SWT1: variants seen among roughly 807,000 people sequenced by gnomAD.
SWT1 encodes the protein SWT1 RNA endoribonuclease homolog.
Under a neutral mutation model 107.3 loss-of-function variants are expected in SWT1, and 33 were observed. That is an observed-to-expected ratio of 0.31 (90% CI 0.23 to 0.41). The LOEUF (loss-of-function observed/expected upper bound fraction) is 0.41, where lower values mean the gene tolerates loss of function less well. Among genes scored for constraint, SWT1 ranks in the 10% least tolerant of loss-of-function variants. The pLI is 1.00. For missense variants in SWT1, 898 were observed against 1,028.9 expected (o/e 0.87, Z 1.74); for synonymous variants, 345 against 348.3 (o/e 0.99, Z 0.11).
rs937029440 is a variant in SWT1, at chr1:185,174,585, T to G, written c.438T>G (p.His146Gln). The change falls in exon 5 of 19, where the codon CAT becomes CAG. Residue 146 changes from histidine (H) to glutamine (Q), a missense_variant. Around this residue, in one of 6 missense-constraint regions of SWT1, gnomAD observed 382 missense variants for 362.4 expected, o/e 1.05. Coordinates refer to ENST00000367500, the MANE Select transcript of SWT1 (RefSeq NM_017673.7). ...CAAATGCTGGGAGCAAGCTTGACCA[T>G]GGAATTAAAAGCCTTAGTAGTCCTA... The part of the protein sequence containing the change: ...KLTNAGSKLD[H>Q]GIKSLSSPKI... 4 of 1,608,134 alleles carry G rather than the reference T, an allele frequency of 2.5e-6. No homozygotes were observed. The highest frequency in any genetic ancestry group is 3.4e-6 in the Non-Finnish European group (4 of 1,178,566).
chr1:185,194,900 T>C (rs1657255022), intron 10 of SWT1, among the ~76,000 whole-genome samples: 1 of 152,178 alleles, frequency 6.6e-6, no homozygotes, highest in African/African-American at 2.4e-5. Context: ...ACTTTGACTC[T>C]TGGCAGTATG....
intron 16 of SWT1, among the ~76,000 whole-genome samples, chr1:185,253,591 G>C (rs1336096683): frequency 6.6e-6 from 1 of 150,726 alleles, no homozygotes; most frequent in South Asian, 2.1e-4. Context: ...GTTTGTTGTT[G>C]GTGTATAAGA....
intron 16 of SWT1, among the ~76,000 whole-genome samples, chr1:185,257,712 C>T: frequency 6.6e-6 from 1 of 152,254 alleles, no homozygotes; most frequent in East Asian, 1.9e-4. Flanking sequence ...CCTGGTATCT[C>T]AGATGGAAAT....
chr1:185,250,340 A>G (rs1558074327), intron 16 of SWT1, among the ~76,000 whole-genome samples: 1 of 152,200 alleles, frequency 6.6e-6, no homozygotes, highest in Non-Finnish European at 1.5e-5. Flanking sequence ...TCTAAGAGGC[A>G]CTTTAGCTCT....
chr1:185,237,188 A>G lies in SWT1; in HGVS notation c.2441+5480A>G, dbSNP rs79403093. On this transcript the variant is annotated intron_variant, in intron 16 of 18. Transcript: ENST00000367500. ...TCTAGAAATACCATTTGACCCAGCA[A>G]TCCCGTTCCTGGGTATATATCCAAA... Among the ~76,000 whole-genome samples the G allele has an allele frequency of 5.6e-3, 859 of 152,326 alleles. 35 individuals are homozygous for G. The East Asian group carries it at 0.095, about 17-fold the overall frequency.
chr1:185,211,953 A>C (rs1658847720), intron 13 of SWT1, among the ~76,000 whole-genome samples: 1 of 152,168 alleles, frequency 6.6e-6, no homozygotes, highest in Admixed American at 6.5e-5. Context: ...AACTATCGCA[A>C]GGACAAAAAA....
At chr1:185,166,749 A>C in intron 3 of SWT1, 97 bp downstream of exon 3, 1 of 738,710 alleles carries the variant, frequency 1.4e-6, no homozygotes, top group South Asian at 2.0e-5. Flanking sequence ...TTTGATAGCC[A>C]ATAGAAAGTC....
chr1:185,250,444 T>C (rs1661926624), intron 16 of SWT1, among the ~76,000 whole-genome samples: 1 of 152,220 alleles, frequency 6.6e-6, no homozygotes, highest in African/African-American at 2.4e-5. Flanking sequence ...AAATATTGAA[T>C]AGTTCTTACA....
At chr1:185,244,564 A>C (rs935562204) in intron 16 of SWT1, among the ~76,000 whole-genome samples, 1 of 152,024 alleles carries the variant, frequency 6.6e-6, no homozygotes, top group Admixed American at 6.6e-5. Context: ...TGGGTGAGTC[A>C]GTGGGTGGGT....
intron 11 of SWT1, 55 bp from the exon 12 acceptor site, chr1:185,204,645 G>A: frequency 1.1e-6 from 1 of 918,226 alleles, no homozygotes. Flanking sequence ...CTAATTATAT[G>A]TATAATAATT....
In SWT1 at chr1:185,233,048, T is replaced by C. The variant is rs187458768; in HGVS notation, c.2441+1340T>C. Among the ~76,000 whole-genome samples, 5 of 152,184 alleles carry C rather than the reference T, an allele frequency of 3.3e-5. No homozygotes were observed. The East Asian group carries it at 9.7e-4, about 30-fold the overall frequency. On this transcript the variant is annotated intron_variant, in intron 16 of 18. Transcript: ENST00000367500. ...GACCAGCATCATCACCACATCTAACTTGTTAAAAGTGCAGATTTTCAGGCC... is the reference window on the plus strand; with the variant it reads ...GACCAGCATCATCACCACATCTAACCTGTTAAAAGTGCAGATTTTCAGGCC...
intron 16 of SWT1, among the ~76,000 whole-genome samples, chr1:185,249,076 C>A (rs918243550): frequency 6.6e-6 from 1 of 152,024 alleles, no homozygotes; most frequent in Non-Finnish European, 1.5e-5. Context: ...GTGTCTGGAT[C>A]TCCAGACACT....
intron 5 of SWT1, among the ~76,000 whole-genome samples, chr1:185,175,925 C>G (rs1001300671): frequency 6.6e-6 from 1 of 152,106 alleles, no homozygotes; most frequent in Non-Finnish European, 1.5e-5. Context: ...ATACCTATCA[C>G]TTAATAAGAG....
intron 13 of SWT1, among the ~76,000 whole-genome samples, chr1:185,209,558 C>T (rs1302154052): frequency 2.6e-5 from 4 of 152,148 alleles, no homozygotes; most frequent in African/African-American, 9.7e-5. Context: ...ATGAATTCAT[C>T]CTTTTTTATG....
intron 10 of SWT1, among the ~76,000 whole-genome samples, chr1:185,197,279 A>G (rs1657476724): frequency 6.6e-6 from 1 of 152,162 alleles, no homozygotes; most frequent in Non-Finnish European, 1.5e-5. Flanking sequence ...TGATTTGCAT[A>G]TGTTGAAGCA....
At chr1:185,186,882 G>A (rs1292830866) in intron 9 of SWT1, among the ~76,000 whole-genome samples, 2 of 149,794 alleles carry the variant, frequency 1.3e-5, no homozygotes, top group Non-Finnish European at 3.0e-5. Context: ...AGCCTCCCAA[G>A]TAGCTGGGAT....
chr1:185,194,401 C>G (rs1332120173), intron 10 of SWT1, among the ~76,000 whole-genome samples: 4 of 151,494 alleles, frequency 2.6e-5, no homozygotes, highest in Non-Finnish European at 2.9e-5. Context: ...ACCATTTTGT[C>G]CCCATTATTT....
intron 7 of SWT1, among the ~76,000 whole-genome samples, chr1:185,183,268 C>A (rs1213611354): frequency 6.6e-6 from 1 of 151,472 alleles, no homozygotes; most frequent in Non-Finnish European, 1.5e-5. Flanking sequence ...TATGTTTTTT[C>A]TTTTTTTGTT....
chr1:185,272,768 G>C (rs1199927630), intron 17 of SWT1, among the ~76,000 whole-genome samples: 1 of 152,142 alleles, frequency 6.6e-6, no homozygotes, highest in African/African-American at 2.4e-5. Context: ...AGGCTTGGTG[G>C]TTCACGCCTG....
Sources: gnomAD v4.1 joint callset for allele counts (sites outside exome capture counted in the v4.1 genomes callset) on GRCh38, gnomAD v4.1.1 for gene constraint, gnomAD v4.1.1 regional missense constraint, MANE v1.5 for transcripts, NCBI Gene and HGNC (gene_info 2026-07-23, HGNC 2026-07-21) for gene names.